The following ZDHHC20 variants were observed in gnomAD, a reference collection of about 807,000 sequenced individuals.
The protein encoded by ZDHHC20 is palmitoyltransferase ZDHHC20.
ZDHHC20 carries 43 observed loss-of-function variants against 57.8 expected under a neutral mutation model. The observed-to-expected ratio is 0.74, with a 90% CI of 0.58 to 0.96. ZDHHC20 has a LOEUF of 0.96. Ranked by LOEUF, ZDHHC20 falls within the 40% of genes least tolerant of loss-of-function variation. The probability of loss-of-function intolerance (pLI) is 0.00; values close to 1 mark genes in which losing one functional copy is unlikely to be tolerated. For missense variants in ZDHHC20, 391 were observed against 441.1 expected (o/e 0.89, Z 1.02); for synonymous variants, 157 against 153.0 (o/e 1.03, Z -0.19).
Position 21,376,662 on chromosome 13 carries a change from A to C in ZDHHC20, c.*41-7T>G. 7.1e-7 allele frequency: 1 copy of C among 1,406,868 alleles called. No individual in the cohort carries two copies. The highest frequency in any genetic ancestry group is 9.6e-7 in the Non-Finnish European group (1 of 1,044,874). The allele number at this position is 1,406,868 out of a possible 1,614,324, so 87.1% of individuals were successfully genotyped here. A position where few individuals can be genotyped will look rare whatever the true frequency, so the allele number is the denominator to read the frequency against. On this transcript the variant is annotated splice_polypyrimidine_tract_variant and splice_region_variant and intron_variant, in intron 12 of 12. Coordinates refer to ENST00000400590, the MANE Select transcript of ZDHHC20 (RefSeq NM_001330059.2). ...CTATAATGTTTTCATACACCTACAA[A>C]AAAAGAAACAAATTATTGGTTAAAA...
chr13:21,435,992 T>C (rs1048772233), intron 1 of ZDHHC20, among the ~76,000 whole-genome samples: 3 of 152,168 alleles, frequency 2.0e-5, no homozygotes, highest in Non-Finnish European at 2.9e-5. Context: ...AAGTGGGCAG[T>C]TCCACCCCAT....
chr13:21,396,197 TGTGA>T (rs1179818583), intron 7 of ZDHHC20, among the ~76,000 whole-genome samples: 2 of 152,196 alleles, frequency 1.3e-5, no homozygotes, highest in Non-Finnish European at 2.9e-5. Context: ...CTCTTGGCGC[TGTGA>T]GTAACAAACT....
chr13:21,383,089 G>T, intron 9 of ZDHHC20, 80 bp from the exon 10 acceptor site: 1 of 1,241,754 alleles, frequency 8.1e-7, no homozygotes, highest in Non-Finnish European at 1.1e-6. Context: ...ATTTTTCAGA[G>T]ACATGGCATA....
chr13:21,435,433 G>A (rs1377540127), intron 1 of ZDHHC20, among the ~76,000 whole-genome samples: 1 of 152,042 alleles, frequency 6.6e-6, no homozygotes, highest in African/African-American at 2.4e-5. Flanking sequence ...CAGAAAGAAA[G>A]GAAGTACTAA....
At chr13:21,439,852 A>C (rs975155190) in intron 1 of ZDHHC20, among the ~76,000 whole-genome samples, 1 of 152,136 alleles carries the variant, frequency 6.6e-6, no homozygotes, top group African/African-American at 2.4e-5. Context: ...GGATCACCTG[A>C]GGTCACAAGT....
intron 1 of ZDHHC20, among the ~76,000 whole-genome samples, chr13:21,451,532 G>A (rs1884438824): frequency 6.6e-6 from 1 of 152,108 alleles, no homozygotes; most frequent in African/African-American, 2.4e-5. Context: ...AATGATGTGA[G>A]GAGGCTTACT....
intron 7 of ZDHHC20, among the ~76,000 whole-genome samples, chr13:21,393,503 G>A (rs1413748333): frequency 2.0e-5 from 3 of 146,798 alleles, no homozygotes; most frequent in African/African-American, 5.1e-5. Context: ...TCAAGAGTTC[G>A]AGACCAGCCT....
intron 1 of ZDHHC20, among the ~76,000 whole-genome samples, chr13:21,457,313 A>G (rs981104268): frequency 2.0e-5 from 3 of 152,224 alleles, no homozygotes; most frequent in African/African-American, 7.2e-5. Context: ...GAATTAAAAT[A>G]CGGTAGGAAT....
intron 11 of ZDHHC20, among the ~76,000 whole-genome samples, chr13:21,380,772 C>T (rs1288492838): frequency 6.8e-6 from 1 of 147,734 alleles, no homozygotes; most frequent in African/African-American, 2.5e-5. Flanking sequence ...AGCCTGGTGA[C>T]AGAGCGAAAT....
At chr13:21,443,051 A>G (rs1015962307) in intron 1 of ZDHHC20, among the ~76,000 whole-genome samples, 1 of 152,194 alleles carries the variant, frequency 6.6e-6, no homozygotes, top group African/African-American at 2.4e-5. Context: ...TGTTACTTCA[A>G]TGAAGTACAG....
rs1161670812 is a variant in ZDHHC20, at chr13:21,376,565, T to C, written c.*131A>G. 11 of 1,095,918 alleles carry C rather than the reference T, an allele frequency of 1.0e-5. No homozygotes were observed. The East Asian group carries it at 2.9e-4, about 29-fold the overall frequency. The allele number at this position is 1,095,918 out of a possible 1,614,324, so 67.9% of individuals were successfully genotyped here. A position where few individuals can be genotyped will look rare whatever the true frequency, so the allele number is the denominator to read the frequency against. On this transcript the variant is annotated 3_prime_UTR_variant, in exon 13 of 13. Transcript: ENST00000400590. Reference sequence around the variant, plus strand: ...CAAAGGCTTTCCGTTTTAAAAAATATATCTTCTGTTATACTTCAGTTATTT... The same window carrying C: ...CAAAGGCTTTCCGTTTTAAAAAATACATCTTCTGTTATACTTCAGTTATTT...
chr13:21,396,222 T>C (rs1876763050), intron 7 of ZDHHC20, among the ~76,000 whole-genome samples: 1 of 152,174 alleles, frequency 6.6e-6, no homozygotes, highest in Non-Finnish European at 1.5e-5. Context: ...ATCTTTTCAG[T>C]GGCAATTGTC....
rs558145360 is a variant in ZDHHC20 at position 21,393,189 on chromosome 13, C to CTTTCT, written c.595-1336_595-1335insAGAAA. Among the ~76,000 whole-genome samples the CTTTCT allele has an allele frequency of 9.3e-3, 1,221 of 131,542 alleles. 22 individuals carry two copies. Among genetic ancestry groups the CTTTCT allele is most frequent in the African/African-American group, 0.03 (1,160 of 38,058 alleles). The allele number at this position is 131,542 out of a possible 152,430, so 86.3% of individuals were successfully genotyped here. A position where few individuals can be genotyped will look rare whatever the true frequency, so the allele number is the denominator to read the frequency against. On this transcript the variant is annotated intron_variant, in intron 7 of 12. Coordinates refer to ENST00000400590, the MANE Select transcript of ZDHHC20 (RefSeq NM_001330059.2). Reference sequence around the variant, plus strand: ...TTCAAGCACATTTCTTTTCTTTTTTCTTTTTTTTTTTTTTTAAAGATACAA... The same window carrying CTTTCT: ...TTCAAGCACATTTCTTTTCTTTTTTCTTTCTTTTTTTTTTTTTTTTAAAGATACAA...
At position 21,374,331 on chromosome 13, in the gene ZDHHC20, T is replaced by C. The variant is rs1369233985; in HGVS notation, c.*2365A>G. ...CCTCCACCTCCTGGGTTCAAGTGAT[T>C]CTCCTGCCTCCACCTCCCGAGTAGT... On this transcript the variant is annotated 3_prime_UTR_variant, in exon 13 of 13. Coordinates refer to ENST00000400590, the MANE Select transcript of ZDHHC20 (RefSeq NM_001330059.2). 1 of 437,662 alleles carries C rather than the reference T, an allele frequency of 2.3e-6. No homozygotes were observed. Among genetic ancestry groups the C allele is most frequent in the East Asian group, 7.1e-5 (1 of 14,172 alleles). 27.1% of individuals were successfully genotyped at this position (437,662 alleles called of 1,614,324 possible). A position where few individuals can be genotyped will look rare whatever the true frequency, so the allele number is the denominator to read the frequency against.
intron 1 of ZDHHC20, among the ~76,000 whole-genome samples, chr13:21,452,948 A>G (rs1884593412): frequency 6.6e-6 from 1 of 152,228 alleles, no homozygotes; most frequent in Non-Finnish European, 1.5e-5. Flanking sequence ...ACAATAAAAC[A>G]AAAGAGCAAA....
chr13:21,455,672 G>GTGTC (rs1409972138), intron 1 of ZDHHC20, among the ~76,000 whole-genome samples: 1 of 136,926 alleles, frequency 7.3e-6, no homozygotes, highest in East Asian at 2.0e-4. Context: ...GTGTGTGTGT[G>GTGTC]TCTAATTACA....
chr13:21,432,999 G>T (rs955152548), intron 1 of ZDHHC20, among the ~76,000 whole-genome samples: 4 of 152,164 alleles, frequency 2.6e-5, no homozygotes, highest in African/African-American at 9.7e-5. Flanking sequence ...TTCTTACTCA[G>T]ATACTACAGT....
At chr13:21,396,115 C>T (rs935512617) in intron 7 of ZDHHC20, among the ~76,000 whole-genome samples, 3 of 152,126 alleles carry the variant, frequency 2.0e-5, no homozygotes, top group Non-Finnish European at 4.4e-5. Flanking sequence ...ATCTGCTTAC[C>T]CTGCCTTCCC....
intron 4 of ZDHHC20, among the ~76,000 whole-genome samples, chr13:21,406,335 C>A (rs1055623787): frequency 6.6e-6 from 1 of 152,128 alleles, no homozygotes; most frequent in African/African-American, 2.4e-5. Context: ...TCCTGCACAT[C>A]TAATTGACTC....
Sources: gnomAD v4.1 joint callset for allele counts (sites outside exome capture counted in the v4.1 genomes callset) on GRCh38, gnomAD v4.1.1 for gene constraint, MANE v1.5 for transcripts, NCBI Gene and HGNC (gene_info 2026-07-23, HGNC 2026-07-21) for gene names.